DLG5: variants seen among roughly 807,000 people sequenced by gnomAD.
DLG5 encodes discs large MAGUK scaffold protein 5, also known as disks large homolog 5.
A neutral mutation model predicts 189.8 loss-of-function variants in DLG5; 48 were observed. That is an observed-to-expected ratio of 0.25 (90% CI 0.20 to 0.32). DLG5 has a LOEUF of 0.32. DLG5 is among the 10% of genes least tolerant of loss of function. The pLI is 1.00. For synonymous variants in DLG5, 1,016 were observed against 1,054.1 expected (o/e 0.96, Z 0.70); for missense variants, 2,160 against 2,544.7 (o/e 0.85, Z 3.25).
intron 14 of DLG5, among the ~76,000 whole-genome samples, chr10:77,822,525 T>TC (rs1842422695): frequency 6.6e-6 from 1 of 152,130 alleles, no homozygotes; most frequent in Non-Finnish European, 1.5e-5. Flanking sequence ...GCACCTGTAG[T>TC]CCCAGCTACT....
intron 1 of DLG5, among the ~76,000 whole-genome samples, chr10:77,875,362 A>C (rs530773500): frequency 3.3e-5 from 5 of 152,176 alleles, no homozygotes; most frequent in Non-Finnish European, 5.9e-5. Flanking sequence ...AAGGGTAAGA[A>C]GTCTCAGAGC....
At chr10:77,937,528 C>G in the DLG5 span, among the ~76,000 whole-genome samples, 2 of 151,976 alleles carry the variant, frequency 1.3e-5, no homozygotes, top group African/African-American at 4.8e-5. Context: ...TTCAGAAATA[C>G]CTGAGAATTG....
At chr10:77,892,303 G>A (rs1435975761) in intron 1 of DLG5, among the ~76,000 whole-genome samples, 8 of 152,198 alleles carry the variant, frequency 5.3e-5, no homozygotes, top group Admixed American at 2.0e-4. Context: ...AACACTGCCT[G>A]GCCATGCAAA....
In DLG5 at chr10:77,821,067, G is replaced by T; in HGVS notation, c.3402+15C>A. Reference sequence around the variant, plus strand: ...TCTAGGCCTCCCCTCCCCACACCCTGGGGCTCAGCTATACCTCCAGGAACT... The same window carrying T: ...TCTAGGCCTCCCCTCCCCACACCCTTGGGCTCAGCTATACCTCCAGGAACT... On this transcript the variant is annotated intron_variant, in intron 15 of 31. Coordinates refer to ENST00000372391, the MANE Select transcript of DLG5 (RefSeq NM_004747.4). 1 of 1,590,180 alleles carries T rather than the reference G, an allele frequency of 6.3e-7. No homozygotes were observed. Among genetic ancestry groups the T allele is most frequent in the Non-Finnish European group, 8.6e-7 (1 of 1,167,348 alleles).
At chr10:77,934,860 G>GTTTTTTT in the DLG5 span, among the ~76,000 whole-genome samples, 1 of 137,362 alleles carries the variant, frequency 7.3e-6, no homozygotes, top group Non-Finnish European at 1.6e-5. Context: ...TTGTTTTTTT[G>GTTTTTTT]TTTTTTTTTT....
At chr10:77,894,194 G>T (rs1489385343) in intron 1 of DLG5, among the ~76,000 whole-genome samples, 1 of 152,146 alleles carries the variant, frequency 6.6e-6, no homozygotes, top group East Asian at 1.9e-4. Flanking sequence ...GATTGCAGAG[G>T]GGCTACCTGT....
chr10:77,936,154 A>C, the DLG5 span, among the ~76,000 whole-genome samples: 2 of 152,116 alleles, frequency 1.3e-5, no homozygotes, highest in African/African-American at 4.8e-5. Context: ...AAAACAGAGA[A>C]TCTGGCTGGG....
At chr10:77,905,100 G>C (rs1247172598) in intron 1 of DLG5, among the ~76,000 whole-genome samples, 1 of 146,532 alleles carries the variant, frequency 6.8e-6, no homozygotes, top group Non-Finnish European at 1.5e-5. Flanking sequence ...CTGCACTCTA[G>C]CCTGGGCGAC....
At chr10:77,912,665 C>T (rs1272058482) in intron 1 of DLG5, 1 of 152,178 alleles carries the variant, frequency 6.6e-6, no homozygotes, top group African/African-American at 2.4e-5. Context: ...GGTTTTTACT[C>T]GCCACAAAGT....
intron 27 of DLG5, among the ~76,000 whole-genome samples, chr10:77,799,107 AT>A (rs1841074557): frequency 1.3e-5 from 2 of 152,306 alleles, no homozygotes; most frequent in South Asian, 4.1e-4. Flanking sequence ...TGTCCTCACA[AT>A]TACAGAATTG....
intron 1 of DLG5, among the ~76,000 whole-genome samples, chr10:77,894,754 C>T (rs1402431626): frequency 6.6e-6 from 1 of 152,040 alleles, no homozygotes; most frequent in Non-Finnish European, 1.5e-5. Context: ...TCTGCCCATC[C>T]AGAAAAACTC....
the DLG5 span, among the ~76,000 whole-genome samples, chr10:77,932,122 T>C: frequency 2.6e-4 from 39 of 152,218 alleles, no homozygotes; most frequent in Non-Finnish European, 4.0e-4. Flanking sequence ...GGGATGTCAA[T>C]AATAGTATCA....
At chr10:77,900,592 G>C (rs1044012082) in intron 1 of DLG5, among the ~76,000 whole-genome samples, 1 of 152,106 alleles carries the variant, frequency 6.6e-6, no homozygotes, top group Admixed American at 6.6e-5. Flanking sequence ...TTGAGGTCAG[G>C]AGTTTGAGAC....
At chr10:77,792,880 C>T (rs1011813719) in intron 31 of DLG5, 2 of 318,164 alleles carry the variant, frequency 6.3e-6, no homozygotes, top group African/African-American at 2.1e-5. Context: ...CAGGAAACGA[C>T]AAGTTTAAGG....
intron 23 of DLG5, among the ~76,000 whole-genome samples, 155 bp from the exon 24 acceptor site, chr10:77,809,885 G>T (rs571275938): frequency 2.0e-5 from 3 of 152,146 alleles, no homozygotes; most frequent in African/African-American, 7.2e-5. Flanking sequence ...CTGGCTCGGC[G>T]TTCGGGACAG....
At chr10:77,872,379 A>G (rs1844935603) in intron 1 of DLG5, among the ~76,000 whole-genome samples, 1 of 152,116 alleles carries the variant, frequency 6.6e-6, no homozygotes, top group South Asian at 2.1e-4. Context: ...CCACAGGCCA[A>G]GCGACACGTT....
Position 77,796,747 on chromosome 10 carries a change from G to T in DLG5, c.5165-153C>A, listed in dbSNP as rs1050796689. The stretch of plus-strand genomic sequence containing the variant: ...AAAATCTCGTGTCCCAGGCACAACC[G>T]GGCATCGTCACCCCTGGAGTCCAGC... On this transcript the variant is annotated intron_variant, in intron 27 of 31. Coordinates refer to ENST00000372391, the MANE Select transcript of DLG5 (RefSeq NM_004747.4). The surrounding 1 kb of genome is among the most constrained non-coding windows in gnomAD (Gnocchi z 5.2). Among the ~76,000 whole-genome samples the T allele has an allele frequency of 1.4e-4, 21 of 152,126 alleles. No homozygotes were observed. Among genetic ancestry groups the T allele is most frequent in the African/African-American group, 5.1e-4 (21 of 41,408 alleles).
chr10:77,873,030 T>TGCGC (rs1554826888), intron 1 of DLG5, among the ~76,000 whole-genome samples: 30 of 105,518 alleles, frequency 2.8e-4, no homozygotes, highest in South Asian at 2.2e-3. Context: ...TGTGTGTGTG[T>TGCGC]GCACACACAC....
rs1226281489 is a variant in DLG5, at chr10:77,809,593, G to A, written c.4601C>T (p.Pro1534Leu). ...CACGAGGCCGTCAGGACCCTTGGCAGGACTGTCATCCTCCACCTCGGCCAC... is the reference window on the plus strand; with the variant it reads ...CACGAGGCCGTCAGGACCCTTGGCAAGACTGTCATCCTCCACCTCGGCCAC... ...VFVAEVEDDS[P>L]AKGPDGLVPG... The change falls in exon 24 of 32, where the codon CCT (proline) becomes CTT (leucine). Residue 1534 changes from proline to leucine, a missense_variant. By Grantham distance (98) the Pro-to-Leu change is moderately conservative. Around this residue, in one of 5 missense-constraint regions of DLG5, gnomAD observed 574 missense variants for 644.2 expected, o/e 0.89. Transcript: ENST00000372391. 2 of 1,614,140 alleles carry A rather than the reference G, an allele frequency of 1.2e-6. No homozygotes were observed. Among genetic ancestry groups the A allele is most frequent in the Non-Finnish European group, 1.7e-6 (2 of 1,180,014 alleles).
Sources: allele counts gnomAD v4.1 joint callset (sites outside exome capture counted in the v4.1 genomes callset), GRCh38; gene constraint gnomAD v4.1.1; regional missense constraint gnomAD v4.1.1; non-coding constraint Gnocchi (gnomAD v3.1); transcripts MANE v1.5; gene names NCBI Gene and HGNC (gene_info 2026-07-23, HGNC 2026-07-21).